ITPR2: variants seen among roughly 807,000 people sequenced by gnomAD.
ITPR2 encodes inositol 1,4,5-trisphosphate-gated calcium channel ITPR2.
ITPR2 carries 207 observed loss-of-function variants against 317.1 expected under a neutral mutation model. The observed-to-expected ratio is 0.65, with a 90% CI of 0.58 to 0.73. The LOEUF (loss-of-function observed/expected upper bound fraction) is 0.73, where lower values mean the gene tolerates loss of function less well. Among genes scored for constraint, ITPR2 ranks in the 30% least tolerant of loss-of-function variants. The pLI, the probability that ITPR2 is intolerant of heterozygous loss-of-function variation, is 0.00. For synonymous variants in ITPR2, 1,156 were observed against 1,149.1 expected (o/e 1.01, Z -0.12); for missense variants, 2,613 against 3,284.0 (o/e 0.80, Z 4.99).
intron 37 of ITPR2, among the ~76,000 whole-genome samples, chr12:26,502,847 C>G (rs61914033): frequency 0.15 from 22,758 of 152,064 alleles, 2,316 homozygotes; most frequent in Non-Finnish European, 0.23. Context: ...AAAGTCATAA[C>G]TAGTTTGCTG....
intron 5 of ITPR2, among the ~76,000 whole-genome samples, chr12:26,717,517 T>C (rs1390774496): frequency 1.3e-5 from 2 of 152,178 alleles, no homozygotes; most frequent in Non-Finnish European, 2.9e-5. Context: ...ACTCATCACG[T>C]CCATAAGAAG....
intron 45 of ITPR2, among the ~76,000 whole-genome samples, chr12:26,449,094 C>T (rs78767585): frequency 0.037 from 5,635 of 152,092 alleles, 134 homozygotes; most frequent in Middle Eastern, 0.092. Flanking sequence ...AACTATATTT[C>T]AATGACATTC....
At chr12:26,349,429 G>A (rs189229772) in intron 55 of ITPR2, among the ~76,000 whole-genome samples, 113 of 152,276 alleles carry the variant, frequency 7.4e-4, no homozygotes, top group African/African-American at 2.6e-3. Context: ...TGTGGATTGA[G>A]AAATTTGAAA....
At chr12:26,643,712 T>C (rs1168722168) in intron 21 of ITPR2, among the ~76,000 whole-genome samples, 3 of 152,204 alleles carry the variant, frequency 2.0e-5, no homozygotes, top group Admixed American at 2.0e-4. Context: ...CCCTACTGAT[T>C]TATGGAAGGT....
In ITPR2 at chr12:26,658,112, T is replaced by A. The variant is rs12313993; in HGVS notation, c.1905A>T (p.Ser635=). The A allele has an allele frequency of 2.3e-5, 36 of 1,564,142 alleles. No homozygotes were observed. In the African/African-American group the frequency reaches 4.7e-4, roughly 20 times the overall value. ...CAGTGGTATTAGACACACACAGATC[T>A]GACAAATAATCCAAAAACCTGGCAA... ...NREPRFLDYL[S]DLCVSNTTAI... Residue 635 remains serine (S), a synonymous_variant, in exon 17 of 57, where the codon TCA becomes TCT. Transcript: ENST00000381340.
At chr12:26,509,958 TTGTG>T (rs56063133) in intron 37 of ITPR2, among the ~76,000 whole-genome samples, 2,427 of 53,258 alleles carry the variant, frequency 0.046, 46 homozygotes, top group African/African-American at 0.069. Flanking sequence ...GATAAGGGTT[TTGTG>T]TGTGTGTGTG....
rs531844849 is a variant in ITPR2, at chr12:26,756,289, C to A, written c.164-30524G>T. On this transcript the variant is annotated intron_variant, in intron 2 of 56. Transcript: ENST00000381340. Reference sequence around the variant, plus strand: ...AACGCTGCTTATTCCTGTGAACCAACCAGTAATCTCTGACTGCTGCTCAGA... The same window carrying A: ...AACGCTGCTTATTCCTGTGAACCAAACAGTAATCTCTGACTGCTGCTCAGA... 1.7e-3 allele frequency among the ~76,000 whole-genome samples: 257 copies of A among 152,192 alleles called. 1 individual carries two copies. Among genetic ancestry groups the A allele is most frequent in the African/African-American group, 5.9e-3 (243 of 41,538 alleles).
chr12:26,561,982 T>C, intron 34 of ITPR2, 30 bp from the exon 35 acceptor site: 1 of 1,449,492 alleles, frequency 6.9e-7, no homozygotes, highest in East Asian at 2.6e-5. Context: ...AATATTTCCC[T>C]CTTAATTTGA....
chr12:26,766,497 C>T (rs1592108102), intron 2 of ITPR2, among the ~76,000 whole-genome samples: 1 of 151,882 alleles, frequency 6.6e-6, no homozygotes, highest in South Asian at 2.1e-4. Flanking sequence ...TATAAGAGTT[C>T]CTTATATATT....
intron 2 of ITPR2, among the ~76,000 whole-genome samples, chr12:26,739,400 A>C (rs1949191438): frequency 6.6e-6 from 1 of 152,248 alleles, no homozygotes; most frequent in South Asian, 2.1e-4. Context: ...GGGGGAAAAC[A>C]AACCAAATGT....
At chr12:26,522,499 C>T (rs1320121909) in intron 37 of ITPR2, among the ~76,000 whole-genome samples, 6 of 152,176 alleles carry the variant, frequency 3.9e-5, no homozygotes, top group Non-Finnish European at 5.9e-5. Flanking sequence ...TGGAAGAAAA[C>T]ATCTAAGATC....
intron 10 of ITPR2, among the ~76,000 whole-genome samples, chr12:26,690,770 T>A (rs1474367348): frequency 1.3e-5 from 2 of 152,144 alleles, no homozygotes; most frequent in Non-Finnish European, 2.9e-5. Flanking sequence ...CTGCAACAAT[T>A]AGACTGTCTT....
At chr12:26,553,367 A>G (rs1280187620) in intron 36 of ITPR2, among the ~76,000 whole-genome samples, 3 of 152,080 alleles carry the variant, frequency 2.0e-5, no homozygotes, top group African/African-American at 7.2e-5. Context: ...TCTCCTGCAG[A>G]CTCATCTGAG....
chr12:26,814,533 GT>G (rs1950815877), intron 1 of ITPR2, among the ~76,000 whole-genome samples: 1 of 152,048 alleles, frequency 6.6e-6, no homozygotes, highest in South Asian at 2.1e-4. Flanking sequence ...CCACCACCAG[GT>G]ACTCCAGAAT....
chr12:26,354,402 T>A (rs1035317533), intron 55 of ITPR2, among the ~76,000 whole-genome samples: 1 of 152,006 alleles, frequency 6.6e-6, no homozygotes, highest in African/African-American at 2.4e-5. Context: ...GAAAAAAAAA[T>A]ATTTAACAAG....
chr12:26,814,722 T>C (rs1033248592), intron 1 of ITPR2, among the ~76,000 whole-genome samples: 3 of 152,248 alleles, frequency 2.0e-5, no homozygotes, highest in Non-Finnish European at 2.9e-5. Flanking sequence ...TACACGTATA[T>C]ACTAAGTTTC....
intron 47 of ITPR2, among the ~76,000 whole-genome samples, chr12:26,437,686 T>C (rs1941387745): frequency 6.6e-6 from 1 of 152,228 alleles, no homozygotes; most frequent in African/African-American, 2.4e-5. Context: ...GATTTAATTT[T>C]TGGTAAATGA....
intron 37 of ITPR2, among the ~76,000 whole-genome samples, chr12:26,532,706 G>A (rs1235192388): frequency 6.6e-6 from 1 of 151,708 alleles, no homozygotes; most frequent in Admixed American, 6.6e-5. Flanking sequence ...TGTTTTTTTG[G>A]AGACGGAGTT....
intron 21 of ITPR2, among the ~76,000 whole-genome samples, chr12:26,648,230 C>A (rs1221642075): frequency 6.6e-6 from 1 of 152,200 alleles, no homozygotes; most frequent in Non-Finnish European, 1.5e-5. Context: ...TTAAGCCTGG[C>A]GCCACTGAGG....
Sources: gnomAD v4.1 joint callset for allele counts (sites outside exome capture counted in the v4.1 genomes callset) on GRCh38, gnomAD v4.1.1 for gene constraint, MANE v1.5 for transcripts, NCBI Gene and HGNC (gene_info 2026-07-23, HGNC 2026-07-21) for gene names.